Variants in STK17B observed in about 807,000 individuals in gnomAD.
STK17B encodes serine/threonine kinase 17b.
STK17B carries 21 observed loss-of-function variants against 42.0 expected under a neutral mutation model. The ratio of observed to expected loss-of-function variants is 0.50; its 90% CI spans 0.35 to 0.72. STK17B has a LOEUF of 0.72. Ranked by LOEUF, STK17B falls within the 30% of genes least tolerant of loss-of-function variation. STK17B has a pLI of 0.00. For missense variants in STK17B, 349 were observed against 446.0 expected (o/e 0.78, Z 1.96); for synonymous variants, 143 against 148.4 (o/e 0.96, Z 0.26).
Position 196,156,657 on chromosome 2 carries a change from G to T in STK17B, c.123-6C>A. 6.2e-7 allele frequency: 1 copy of T among 1,604,086 alleles called. No homozygotes were observed. The highest frequency in any genetic ancestry group is 8.5e-7 in the Non-Finnish European group (1 of 1,173,770). On this transcript the variant is annotated splice_region_variant and splice_polypyrimidine_tract_variant and intron_variant, in intron 2 of 7. Transcript: ENST00000263955. Reference sequence around the variant, plus strand: ...TAACCACAGCAAATTTTCCTCTGGGGGAAGATGAGAACAATCAATTTTAAT... The same window carrying T: ...TAACCACAGCAAATTTTCCTCTGGGTGAAGATGAGAACAATCAATTTTAAT...
chr2:196,169,065 ACTATTTTT>A (rs1418458437), intron 1 of STK17B, among the ~76,000 whole-genome samples: 5 of 129,372 alleles, frequency 3.9e-5, no homozygotes, highest in Non-Finnish European at 7.9e-5. Context: ...GCCTAGGAAT[ACTATTTTT>A]TTTTTTTTTT....
upstream of STK17B, among the ~76,000 whole-genome samples, chr2:196,174,703 T>C (rs1239996356): frequency 6.6e-6 from 1 of 152,144 alleles, no homozygotes; most frequent in Non-Finnish European, 1.5e-5. Flanking sequence ...GAATAGTGAG[T>C]GTACTCAGAT....
chr2:196,160,006 A>G (rs966251526), intron 2 of STK17B, among the ~76,000 whole-genome samples: 1 of 152,228 alleles, frequency 6.6e-6, no homozygotes, highest in Non-Finnish European at 1.5e-5. Flanking sequence ...TTAGGAAAAA[A>G]ACCAAATATT....
At chr2:196,168,929 A>G (rs1466590106) in intron 1 of STK17B, among the ~76,000 whole-genome samples, 6 of 152,230 alleles carry the variant, frequency 3.9e-5, no homozygotes, top group Non-Finnish European at 8.8e-5. Flanking sequence ...TGACATTTGA[A>G]GTTTTCCTAA....
At chr2:196,173,720 C>G (rs184800639), upstream of STK17B, among the ~76,000 whole-genome samples, 184 of 152,312 alleles carry the variant, frequency 1.2e-3, 3 homozygotes, top group African/African-American at 4.3e-3. Flanking sequence ...GATGGTCATT[C>G]TGTGGTCATT....
At chr2:196,170,559 A>G (rs1699926924) in intron 1 of STK17B, among the ~76,000 whole-genome samples, 1 of 152,322 alleles carries the variant, frequency 6.6e-6, no homozygotes, top group Admixed American at 6.5e-5. Flanking sequence ...GCCTCTTTCA[A>G]CTTTGTCTCT....
chr2:196,172,725 G>C (rs1699963126), upstream of STK17B, among the ~76,000 whole-genome samples: 1 of 152,162 alleles, frequency 6.6e-6, no homozygotes. Context: ...ATAATGTCTT[G>C]CCCCTAAACC....
chr2:196,170,415 T>C (rs769710673), intron 1 of STK17B, among the ~76,000 whole-genome samples: 83 of 152,340 alleles, frequency 5.4e-4, no homozygotes, highest in Admixed American at 1.3e-3. Context: ...ACAGTCCTCA[T>C]GTGTTTAAAT....
chr2:196,137,133 T>C lies in STK17B; in HGVS notation c.*314A>G, dbSNP rs1575168577. 3.7e-6 allele frequency: 1 copy of C among 268,514 alleles called. No homozygotes were observed. Among genetic ancestry groups the C allele is most frequent in the Admixed American group, 5.0e-5 (1 of 20,148 alleles). The allele number at this position is 268,514 out of a possible 1,614,324, so 16.6% of individuals were successfully genotyped here. ...CCAACTATAATAAAACTCAAGCCAC[T>C]TTTTTTGTTGATATGCAAAACATTC... On this transcript the variant is annotated 3_prime_UTR_variant, in exon 8 of 8. Transcript: ENST00000263955.
intron 2 of STK17B, 114 bp downstream of exon 2, chr2:196,163,148 A>C: frequency 1.5e-6 from 2 of 1,308,622 alleles, no homozygotes; most frequent in Non-Finnish European, 2.1e-6. Context: ...AGAGATCACA[A>C]CTTTCCTTCC....
chr2:196,152,714 G>A (rs1699682325), intron 3 of STK17B, among the ~76,000 whole-genome samples: 1 of 152,066 alleles, frequency 6.6e-6, no homozygotes, highest in South Asian at 2.1e-4. Context: ...AATACAAGGT[G>A]CAAAGGAGTA....
At chr2:196,162,607 G>A (rs1159057407) in intron 2 of STK17B, among the ~76,000 whole-genome samples, 1 of 152,016 alleles carries the variant, frequency 6.6e-6, no homozygotes, top group East Asian at 1.9e-4. Context: ...AGCACTAAGA[G>A]GTACAGTAGG....
chr2:196,151,102 T>C (rs1011873175), intron 3 of STK17B, among the ~76,000 whole-genome samples: 1 of 152,212 alleles, frequency 6.6e-6, no homozygotes, highest in Non-Finnish European at 1.5e-5. Context: ...AATATTTACT[T>C]AGAGATGTTT....
Position 196,136,134 on chromosome 2 carries a change from T to C in STK17B, c.*1313A>G, listed in dbSNP as rs1559406537. On this transcript the variant is annotated 3_prime_UTR_variant, in exon 8 of 8. Transcript: ENST00000263955. ...TTACCATTTGTCAAACTATTTCTTC[T>C]GATACAGCAACATGGTCATGAGATC... The C allele has an allele frequency of 6.6e-6, 1 of 152,230 alleles. No individual in the cohort carries two copies. The allele number at this position is 152,230 out of a possible 1,614,324, so 9.4% of individuals were successfully genotyped here. A position where few individuals can be genotyped will look rare whatever the true frequency, so the allele number is the denominator to read the frequency against.
In STK17B at chr2:196,136,130, C is replaced by T. The variant is rs1699400528; in HGVS notation, c.*1317G>A. ...GTTGTTACCATTTGTCAAACTATTT[C>T]TTCTGATACAGCAACATGGTCATGA... On this transcript the variant is annotated 3_prime_UTR_variant, in exon 8 of 8. Coordinates refer to ENST00000263955, the MANE Select transcript of STK17B (RefSeq NM_004226.4). 1 of 152,176 alleles carries T rather than the reference C, an allele frequency of 6.6e-6. No homozygotes were observed. 9.4% of individuals were successfully genotyped at this position (152,176 alleles called of 1,614,324 possible). A position where few individuals can be genotyped will look rare whatever the true frequency, so the allele number is the denominator to read the frequency against.
chr2:196,164,577 T>C (rs369233666), intron 1 of STK17B, among the ~76,000 whole-genome samples: 1 of 152,354 alleles, frequency 6.6e-6, no homozygotes, highest in East Asian at 1.9e-4. Flanking sequence ...CCTCCTGTAG[T>C]AACCCGCTAA....
intron 5 of STK17B, 59 bp downstream of exon 5, chr2:196,143,501 G>A: frequency 7.0e-7 from 1 of 1,437,822 alleles, no homozygotes; most frequent in South Asian, 1.4e-5. Context: ...TAGTTCTACA[G>A]AGGTATCATT....
upstream of STK17B, among the ~76,000 whole-genome samples, chr2:196,172,905 T>C (rs1017136893): frequency 2.0e-5 from 3 of 152,174 alleles, no homozygotes; most frequent in Non-Finnish European, 4.4e-5. Flanking sequence ...TTTTCTTTCA[T>C]GAGCATAGGT....
In STK17B at chr2:196,134,555, A is replaced by C. The variant is rs1207620361; in HGVS notation, c.*2892T>G. The C allele has an allele frequency of 6.6e-6, 1 of 152,210 alleles. No individual in the cohort carries two copies. The highest frequency in any genetic ancestry group is 1.5e-5 in the Non-Finnish European group (1 of 68,034). 9.4% of individuals were successfully genotyped at this position (152,210 alleles called of 1,614,324 possible). On this transcript the variant is annotated 3_prime_UTR_variant, in exon 8 of 8. Coordinates refer to ENST00000263955, the MANE Select transcript of STK17B (RefSeq NM_004226.4). ...CCACAAAACCCGTCCCTAGTGCCAAAACAGTTGGAGATCGCTCCACTAGAG... is the reference window on the plus strand; with the variant it reads ...CCACAAAACCCGTCCCTAGTGCCAACACAGTTGGAGATCGCTCCACTAGAG...
Sources: allele counts gnomAD v4.1 joint callset (sites outside exome capture counted in the v4.1 genomes callset), GRCh38; gene constraint gnomAD v4.1.1; transcripts MANE v1.5; gene names NCBI Gene and HGNC (gene_info 2026-07-23, HGNC 2026-07-21).